Variants in GRID2 observed in about 807,000 individuals in gnomAD.
GRID2 encodes the protein glutamate ionotropic receptor delta type subunit 2, also known as glutamate receptor ionotropic, delta-2.
A neutral mutation model predicts 114.8 loss-of-function variants in GRID2; 33 were observed. That is an observed-to-expected ratio of 0.29 (90% CI 0.22 to 0.38). The LOEUF (loss-of-function observed/expected upper bound fraction) is 0.38. Among genes scored for constraint, GRID2 ranks in the 10% least tolerant of loss-of-function variants. The probability of loss-of-function intolerance (pLI) is 1.00; values close to 1 mark genes in which losing one functional copy is unlikely to be tolerated. For synonymous variants in GRID2, 505 were observed against 449.9 expected (o/e 1.12, Z -1.55); for missense variants, 1,184 against 1,257.7 (o/e 0.94, Z 0.89).
In GRID2 at chr4:93,170,778, C is replaced by A. The variant is rs569047317; in HGVS notation, c.736-36626C>A. On this transcript the variant is annotated intron_variant, in intron 4 of 15. Coordinates refer to ENST00000282020, the MANE Select transcript of GRID2 (RefSeq NM_001510.4). Reference sequence around the variant, plus strand: ...CCCGACTGCCTATTGCGCACATCCACTTAGATGTCAAATAGGCTTTAAAAT... The same window carrying A: ...CCCGACTGCCTATTGCGCACATCCAATTAGATGTCAAATAGGCTTTAAAAT... Among the ~76,000 whole-genome samples the A allele has an allele frequency of 2.0e-4, 31 of 152,154 alleles. 1 individual carries two copies. The South Asian group carries it at 6.4e-3, about 32-fold the overall frequency.
At chr4:93,745,347 G>T (rs1205979896) in intron 14 of GRID2, among the ~76,000 whole-genome samples, 7 of 152,202 alleles carry the variant, frequency 4.6e-5, no homozygotes, top group Admixed American at 4.6e-4. Flanking sequence ...TCAATTCAAT[G>T]AGAGAAAAAT....
At chr4:93,741,924 CAAAA>C (rs34316739) in intron 14 of GRID2, among the ~76,000 whole-genome samples, 5 of 106,454 alleles carry the variant, frequency 4.7e-5, no homozygotes, top group Admixed American at 3.8e-4. Flanking sequence ...GACTCTGTCT[CAAAA>C]AAAAAAAAAA....
intron 1 of GRID2, among the ~76,000 whole-genome samples, chr4:92,456,861 T>C (rs1332722444): frequency 6.6e-6 from 1 of 152,164 alleles, no homozygotes; most frequent in Non-Finnish European, 1.5e-5. Flanking sequence ...TATCCCTTTC[T>C]TGTGTACCTT....
chr4:93,075,483 G>C (rs950082001), intron 2 of GRID2, among the ~76,000 whole-genome samples: 10 of 152,020 alleles, frequency 6.6e-5, no homozygotes, highest in African/African-American at 1.7e-4. Flanking sequence ...GTGCAATAAG[G>C]CATGGAAAAG....
intron 1 of GRID2, among the ~76,000 whole-genome samples, chr4:92,452,810 T>A (rs964817080): frequency 2.1e-5 from 3 of 144,402 alleles, no homozygotes; most frequent in African/African-American, 8.1e-5. Flanking sequence ...CATGTATATA[T>A]AATATATGTT....
intron 2 of GRID2, among the ~76,000 whole-genome samples, chr4:92,601,275 A>G (rs1729204962): frequency 6.6e-6 from 1 of 152,204 alleles, no homozygotes; most frequent in Non-Finnish European, 1.5e-5. Flanking sequence ...TCATCACATA[A>G]TTAGAAGTAA....
rs74993836 is a variant in GRID2 at position 93,196,364 on chromosome 4, C to G, written c.736-11040C>G. On this transcript the variant is annotated intron_variant, in intron 4 of 15. Transcript: ENST00000282020. Reference sequence around the variant, plus strand: ...GCTTAGGAAGACGGACATGGAAATTCACCTTTTGCATTTCCCTGCATTTTC... The same window carrying G: ...GCTTAGGAAGACGGACATGGAAATTGACCTTTTGCATTTCCCTGCATTTTC... 5.0e-3 allele frequency among the ~76,000 whole-genome samples: 754 copies of G among 152,238 alleles called. 2 individuals carry two copies. The highest frequency in any genetic ancestry group is 0.017 in the African/African-American group (720 of 41,546).
At chr4:92,635,143 A>G (rs1156907884) in intron 2 of GRID2, among the ~76,000 whole-genome samples, 1 of 152,142 alleles carries the variant, frequency 6.6e-6, no homozygotes. Flanking sequence ...GTTTCCAGAC[A>G]TAAAAAACAG....
chr4:93,248,765 T>C (rs917135553), intron 8 of GRID2, among the ~76,000 whole-genome samples: 1 of 152,196 alleles, frequency 6.6e-6, no homozygotes, highest in African/African-American at 2.4e-5. Flanking sequence ...AACTAATGAA[T>C]ATTATGTCCA....
chr4:92,399,003 A>T (rs1730645861), intron 1 of GRID2, among the ~76,000 whole-genome samples: 1 of 152,144 alleles, frequency 6.6e-6, no homozygotes, highest in Admixed American at 6.6e-5. Context: ...ATTCATTTTT[A>T]TTTTTTACAT....
chr4:92,594,086 T>C (rs1003364310), intron 2 of GRID2, among the ~76,000 whole-genome samples: 2 of 151,716 alleles, frequency 1.3e-5, no homozygotes, highest in African/African-American at 4.8e-5. Context: ...GTTACCATGC[T>C]TGTGTGTAGC....
chr4:93,252,560 G>T (rs1749089486), intron 8 of GRID2, among the ~76,000 whole-genome samples: 1 of 151,700 alleles, frequency 6.6e-6, no homozygotes, highest in African/African-American at 2.4e-5. Flanking sequence ...GCTCTTCTTT[G>T]GTTCCATAAA....
intron 8 of GRID2, among the ~76,000 whole-genome samples, chr4:93,242,422 A>C (rs1265103843): frequency 6.6e-6 from 1 of 152,018 alleles, no homozygotes; most frequent in Non-Finnish European, 1.5e-5. Flanking sequence ...GAATAAATTT[A>C]AATTAATGTA....
At chr4:92,862,768 C>A (rs946784831) in intron 2 of GRID2, among the ~76,000 whole-genome samples, 2 of 152,002 alleles carry the variant, frequency 1.3e-5, no homozygotes, top group Non-Finnish European at 2.9e-5. Context: ...TGTTCTAATG[C>A]AGTTTTAGGT....
chr4:92,619,379 G>C (rs1579698096), intron 2 of GRID2, among the ~76,000 whole-genome samples: 1 of 151,684 alleles, frequency 6.6e-6, no homozygotes, highest in Admixed American at 6.6e-5. Flanking sequence ...CCCAGACCAG[G>C]AGGGGCTTAT....
chr4:93,629,819 T>G (rs1221182400), intron 14 of GRID2, among the ~76,000 whole-genome samples: 1 of 152,214 alleles, frequency 6.6e-6, no homozygotes. Context: ...TAACTACATT[T>G]ATTATCTGCT....
intron 13 of GRID2, among the ~76,000 whole-genome samples, chr4:93,592,349 C>A (rs145132044): frequency 0.035 from 5,341 of 152,250 alleles, 103 homozygotes; most frequent in African/African-American, 0.051. Context: ...TGTTCAGTTT[C>A]CATGTAGATG....
intron 3 of GRID2, among the ~76,000 whole-genome samples, chr4:93,089,455 TG>T (rs1358777386): frequency 1.3e-5 from 2 of 152,306 alleles, no homozygotes; most frequent in Admixed American, 1.3e-4. Context: ...GTAGAAATAT[TG>T]CAACCTCAAA....
chr4:93,355,503 C>T (rs1482494850), intron 8 of GRID2, among the ~76,000 whole-genome samples: 1 of 152,016 alleles, frequency 6.6e-6, no homozygotes, highest in Non-Finnish European at 1.5e-5. Flanking sequence ...AGCAAGTGTT[C>T]CAAGAGGGAG....
Sources: gnomAD v4.1 joint callset for allele counts (sites outside exome capture counted in the v4.1 genomes callset) on GRCh38, gnomAD v4.1.1 for gene constraint, MANE v1.5 for transcripts, NCBI Gene and HGNC (gene_info 2026-07-23, HGNC 2026-07-21) for gene names.